SIPA1L3: variants seen among roughly 807,000 people sequenced by gnomAD.
The protein encoded by SIPA1L3 is signal induced proliferation associated 1 like 3.
Under a neutral mutation model 150.1 loss-of-function variants are expected in SIPA1L3, and 59 were observed. The observed-to-expected ratio is 0.39, with a 90% CI of 0.32 to 0.49. The LOEUF is 0.49. SIPA1L3 is among the 20% of genes least tolerant of loss of function. The pLI is 0.86. For missense variants in SIPA1L3, 2,211 were observed against 2,489.5 expected (o/e 0.89, Z 2.38); for synonymous variants, 1,070 against 1,077.6 (o/e 0.99, Z 0.14).
intron 2 of SIPA1L3, among the ~76,000 whole-genome samples, chr19:38,070,088 C>G (rs1464231827): frequency 6.6e-6 from 1 of 152,114 alleles, no homozygotes; most frequent in Non-Finnish European, 1.5e-5. Context: ...CCCAGCTTCC[C>G]TGCTCATCCA....
intron 2 of SIPA1L3, among the ~76,000 whole-genome samples, chr19:38,032,615 G>A (rs548410419): frequency 1.4e-4 from 22 of 152,270 alleles, no homozygotes; most frequent in Admixed American, 2.6e-4. Flanking sequence ...CAAGGTGGGC[G>A]GGTCACTTGC....
At chr19:38,134,685 A>G (rs1278378088) in intron 10 of SIPA1L3, among the ~76,000 whole-genome samples, 1 of 134,652 alleles carries the variant, frequency 7.4e-6, no homozygotes, top group Non-Finnish European at 1.5e-5. Flanking sequence ...AGCCTGGATG[A>G]CAGAGCGAGA....
intron 1 of SIPA1L3, among the ~76,000 whole-genome samples, chr19:37,938,965 A>G (rs944233101): frequency 3.3e-5 from 5 of 152,026 alleles, no homozygotes; most frequent in Non-Finnish European, 7.4e-5. Flanking sequence ...TGTTCTTTAT[A>G]TACTGTGGCT....
chr19:38,145,292 G>T (rs1971678693), intron 12 of SIPA1L3, among the ~76,000 whole-genome samples: 1 of 152,130 alleles, frequency 6.6e-6, no homozygotes, highest in African/African-American at 2.4e-5. Context: ...TGCACTTTGG[G>T]AGGCCGAGAT....
At chr19:38,025,286 C>T (rs773101489) in intron 1 of SIPA1L3, among the ~76,000 whole-genome samples, 1 of 152,180 alleles carries the variant, frequency 6.6e-6, no homozygotes, top group Admixed American at 6.5e-5. Flanking sequence ...GTGAAGTGCT[C>T]GGCCTGTATG....
chr19:38,005,952 G>T (rs113735053), intron 1 of SIPA1L3, among the ~76,000 whole-genome samples: 1 of 152,208 alleles, frequency 6.6e-6, no homozygotes, highest in Non-Finnish European at 1.5e-5. Flanking sequence ...GGAGGCTGAG[G>T]GGGGAAGATT....
intron 15 of SIPA1L3, among the ~76,000 whole-genome samples, chr19:38,175,526 C>T (rs963932672): frequency 2.0e-5 from 3 of 152,130 alleles, no homozygotes; most frequent in Non-Finnish European, 4.4e-5. Context: ...CAGGTTAATG[C>T]ATAGCTCTCT....
chr19:38,063,057 A>G (rs1316240460), intron 2 of SIPA1L3, among the ~76,000 whole-genome samples: 1 of 152,186 alleles, frequency 6.6e-6, no homozygotes, highest in African/African-American at 2.4e-5. Flanking sequence ...CACGGGTGAC[A>G]GTAGCAGGTG....
At chr19:38,153,316 T>A (rs1971870079) in intron 13 of SIPA1L3, among the ~76,000 whole-genome samples, 1 of 152,190 alleles carries the variant, frequency 6.6e-6, no homozygotes, top group Non-Finnish European at 1.5e-5. Flanking sequence ...GTCCCGTGGC[T>A]TTTCATTACA....
At chr19:38,053,777 G>A (rs1337412548) in intron 2 of SIPA1L3, among the ~76,000 whole-genome samples, 1 of 151,752 alleles carries the variant, frequency 6.6e-6, no homozygotes, top group Non-Finnish European at 1.5e-5. Flanking sequence ...TCTTGCCCAG[G>A]CTGGTCTCGA....
At chr19:37,987,504 G>T (rs1599871094) in intron 1 of SIPA1L3, among the ~76,000 whole-genome samples, 1 of 152,214 alleles carries the variant, frequency 6.6e-6, no homozygotes, top group South Asian at 2.1e-4. Flanking sequence ...ATTATGGGCT[G>T]TTCAGCAGCA....
At chr19:37,992,041 T>G (rs904967776) in intron 1 of SIPA1L3, among the ~76,000 whole-genome samples, 1 of 58,426 alleles carries the variant, frequency 1.7e-5, no homozygotes, top group African/African-American at 8.8e-5. Flanking sequence ...ATGCAGAGTG[T>G]TCAGTCCACA....
intron 2 of SIPA1L3, among the ~76,000 whole-genome samples, chr19:38,053,060 G>C (rs1023890095): frequency 1.3e-5 from 2 of 152,260 alleles, no homozygotes; most frequent in African/African-American, 4.8e-5. Flanking sequence ...TGAGCGGGCA[G>C]CTCTGTACTC....
Position 38,198,415 on chromosome 19 carries a change from C to T in SIPA1L3, c.4867C>T (p.Leu1623=). 6.3e-7 allele frequency: 1 copy of T among 1,586,598 alleles called. No individual in the cohort carries two copies. The highest frequency in any genetic ancestry group is 8.6e-7 in the Non-Finnish European group (1 of 1,168,362). Residue 1623 remains leucine (L), a synonymous_variant, in exon 19 of 22, where the codon CTG becomes TTG. Transcript: ENST00000222345. Reference sequence around the variant, plus strand: ...CACCATCTCAGCCTCGGAGCTCTCGCTGGCTGATGGGCGGGACCGCCCCCT... The same window carrying T: ...CACCATCTCAGCCTCGGAGCTCTCGTTGGCTGATGGGCGGGACCGCCCCCT... The part of the protein sequence containing the change: ...KSTISASELS[L]ADGRDRPLRR...
rs1969973961 is a variant in SIPA1L3, at chr19:38,081,376, T to C, written c.-190T>C. 2 of 579,906 alleles carry C rather than the reference T, an allele frequency of 3.4e-6. No homozygotes were observed. The allele number at this position is 579,906 out of a possible 1,614,324, so 35.9% of individuals were successfully genotyped here. A position where few individuals can be genotyped will look rare whatever the true frequency, so the allele number is the denominator to read the frequency against. Reference sequence around the variant, plus strand: ...GGACAGCACCTGCTTCCTGAGGTTGTCCTGGCTCAGCTGTGCACAGCGATG... The same window carrying C: ...GGACAGCACCTGCTTCCTGAGGTTGCCCTGGCTCAGCTGTGCACAGCGATG... On this transcript the variant is annotated 5_prime_UTR_variant, in exon 3 of 22. Transcript: ENST00000222345.
intron 3 of SIPA1L3, among the ~76,000 whole-genome samples, chr19:38,085,696 A>G (rs1200471674): frequency 6.6e-6 from 1 of 152,102 alleles, no homozygotes; most frequent in African/African-American, 2.4e-5. Context: ...CCTAGATTTA[A>G]AAAATGGATC....
At chr19:38,100,174 G>C (rs958719836) in intron 5 of SIPA1L3, 24 bp downstream of exon 5, 3 of 1,516,520 alleles carry the variant, frequency 2.0e-6, no homozygotes, top group Middle Eastern at 1.8e-4. Flanking sequence ...TGGAGGTGGG[G>C]GTGCTGCTGG....
At position 38,206,278 on chromosome 19, in the gene SIPA1L3, A is replaced by G. The variant is rs558669329; in HGVS notation, c.*38A>G. 3 of 1,507,038 alleles carry G rather than the reference A, an allele frequency of 2.0e-6. No homozygotes were observed. Among genetic ancestry groups the G allele is most frequent in the African/African-American group, 2.8e-5 (2 of 72,454 alleles). 93.4% of individuals were successfully genotyped at this position (1,507,038 alleles called of 1,614,324 possible). A position where few individuals can be genotyped will look rare whatever the true frequency, so the allele number is the denominator to read the frequency against. On this transcript the variant is annotated 3_prime_UTR_variant, in exon 22 of 22. Coordinates refer to ENST00000222345, the MANE Select transcript of SIPA1L3 (RefSeq NM_015073.3). ...CCGCCCGCCTTCGCTCCTTCCCCTC[A>G]GGCCGTGGCCCTGCTGCCTCTCTCC...
At chr19:38,088,625 G>A in intron 3 of SIPA1L3, 96 bp from the exon 4 acceptor site, 1 of 1,459,612 alleles carries the variant, frequency 6.9e-7, no homozygotes, top group South Asian at 1.3e-5. Context: ...GATTGCACAG[G>A]ACCCTGCCTG....
Sources: allele counts gnomAD v4.1 joint callset (sites outside exome capture counted in the v4.1 genomes callset), GRCh38; gene constraint gnomAD v4.1.1; transcripts MANE v1.5; gene names NCBI Gene and HGNC (gene_info 2026-07-23, HGNC 2026-07-21).